The following SLC9A9 variants were observed in gnomAD, a reference collection of about 807,000 sequenced individuals.
SLC9A9 encodes the protein solute carrier family 9 member A9.
SLC9A9 carries 62 observed loss-of-function variants against 77.8 expected under a neutral mutation model. The ratio of observed to expected loss-of-function variants is 0.80; its 90% CI spans 0.65 to 0.98. The LOEUF is 0.98. Among genes scored for constraint, SLC9A9 ranks in the 50% least tolerant of loss-of-function variants. SLC9A9 has a pLI of 0.00. For missense variants in SLC9A9, 775 were observed against 774.9 expected (o/e 1.00, Z 0.00); for synonymous variants, 320 against 283.5 (o/e 1.13, Z -1.29).
chr3:143,618,759 A>T (rs2038149995), intron 6 of SLC9A9, among the ~76,000 whole-genome samples: 1 of 152,232 alleles, frequency 6.6e-6, no homozygotes, highest in Non-Finnish European at 1.5e-5. Flanking sequence ...ATCACCTTAC[A>T]AAACTGAAAT....
chr3:143,734,409 C>A (rs1418626947), intron 4 of SLC9A9, among the ~76,000 whole-genome samples: 1 of 151,922 alleles, frequency 6.6e-6, no homozygotes, highest in Non-Finnish European at 1.5e-5. Context: ...ACATAAAAAC[C>A]CTTTTAAAAA....
At chr3:143,270,815 C>A (rs573479542) in intron 14 of SLC9A9, among the ~76,000 whole-genome samples, 274 of 152,236 alleles carry the variant, frequency 1.8e-3, no homozygotes, top group African/African-American at 6.1e-3. Flanking sequence ...GTAATGAACA[C>A]CCTTAAAAAA....
intron 6 of SLC9A9, among the ~76,000 whole-genome samples, chr3:143,633,488 C>A (rs1377719900): frequency 1.3e-5 from 2 of 151,952 alleles, no homozygotes. Flanking sequence ...TTTTAAAGCT[C>A]CAAAGTGTGC....
At chr3:143,841,322 G>A (rs1001874351) in intron 1 of SLC9A9, among the ~76,000 whole-genome samples, 1 of 152,096 alleles carries the variant, frequency 6.6e-6, no homozygotes, top group African/African-American at 2.4e-5. Flanking sequence ...CTTCAGGCAA[G>A]TTACTTAATG....
intron 4 of SLC9A9, among the ~76,000 whole-genome samples, chr3:143,724,321 A>G (rs1177144358): frequency 6.6e-6 from 1 of 152,078 alleles, no homozygotes; most frequent in Non-Finnish European, 1.5e-5. Context: ...TTCCACCATG[A>G]TTGTTAGTTT....
At chr3:143,545,215 C>T (rs1230399616) in intron 9 of SLC9A9, among the ~76,000 whole-genome samples, 2 of 152,144 alleles carry the variant, frequency 1.3e-5, no homozygotes, top group Non-Finnish European at 2.9e-5. Context: ...ATCTGCGTGA[C>T]AATATCCTAA....
chr3:143,625,280 G>A (rs1028527991), intron 6 of SLC9A9, among the ~76,000 whole-genome samples: 3 of 152,092 alleles, frequency 2.0e-5, no homozygotes, highest in Non-Finnish European at 4.4e-5. Flanking sequence ...AGTTCATATG[G>A]AGCCAAAAAA....
rs560910265 is a variant in SLC9A9, at chr3:143,517,635, C to T, written c.1090-22187G>A. ...AGGGCAAGATCATGGGCTGCTTCTT[C>T]CTACTGGCCTAGAAGTCTGTGTGCT... On this transcript the variant is annotated intron_variant, in intron 9 of 15. Coordinates refer to ENST00000316549, the MANE Select transcript of SLC9A9 (RefSeq NM_173653.4). The T allele has an allele frequency of 1.4e-5, 23 of 1,597,382 alleles. No individual in the cohort carries two copies. In the East Asian group the frequency reaches 4.5e-4, roughly 31 times the overall value.
intron 14 of SLC9A9, among the ~76,000 whole-genome samples, chr3:143,327,407 T>A (rs1267167822): frequency 6.6e-6 from 1 of 152,144 alleles, no homozygotes; most frequent in Non-Finnish European, 1.5e-5. Context: ...CAAAAAGGAA[T>A]CCCTTAGCAC....
intron 11 of SLC9A9, among the ~76,000 whole-genome samples, chr3:143,486,015 T>A (rs1041845683): frequency 6.6e-6 from 1 of 152,038 alleles, no homozygotes; most frequent in African/African-American, 2.4e-5. Flanking sequence ...TTAAAGAATG[T>A]TGAAAGTACC....
At chr3:143,813,924 C>T (rs1393154012) in intron 2 of SLC9A9, among the ~76,000 whole-genome samples, 1 of 152,072 alleles carries the variant, frequency 6.6e-6, no homozygotes, top group Non-Finnish European at 1.5e-5. Context: ...GAAACCATTG[C>T]CAGGCTGCAG....
At chr3:143,722,472 C>CA (rs60995925) in intron 4 of SLC9A9, among the ~76,000 whole-genome samples, 4,595 of 58,274 alleles carry the variant, frequency 0.079, 511 homozygotes, top group Middle Eastern at 0.17. Context: ...GACTCCATCT[C>CA]AAAAAAAAAA....
At chr3:143,744,657 T>C (rs1244846346) in intron 4 of SLC9A9, among the ~76,000 whole-genome samples, 3 of 152,198 alleles carry the variant, frequency 2.0e-5, no homozygotes, top group African/African-American at 7.2e-5. Flanking sequence ...GCTCTAATGG[T>C]TTTAACAGGC....
intron 12 of SLC9A9, among the ~76,000 whole-genome samples, chr3:143,447,124 A>T (rs1049149845): frequency 1.3e-5 from 2 of 152,192 alleles, no homozygotes; most frequent in African/African-American, 4.8e-5. Context: ...AGCCGAAGTT[A>T]TAAAGTTGTT....
intron 4 of SLC9A9, among the ~76,000 whole-genome samples, chr3:143,739,001 C>T (rs1237204491): frequency 6.6e-6 from 1 of 152,086 alleles, no homozygotes; most frequent in Non-Finnish European, 1.5e-5. Flanking sequence ...AAGTCATAGG[C>T]TTGATTGGGT....
intron 8 of SLC9A9, among the ~76,000 whole-genome samples, chr3:143,555,120 T>G (rs758806805): frequency 1.3e-5 from 2 of 152,186 alleles, no homozygotes; most frequent in Non-Finnish European, 2.9e-5. Flanking sequence ...AATTGAATCA[T>G]GGGGGAAGCT....
intron 14 of SLC9A9, among the ~76,000 whole-genome samples, chr3:143,330,128 T>C (rs1373546441): frequency 3.9e-5 from 6 of 152,178 alleles, no homozygotes; most frequent in African/African-American, 9.7e-5. Flanking sequence ...TGTGACCCGA[T>C]CACTGCCGGC....
intron 8 of SLC9A9, among the ~76,000 whole-genome samples, chr3:143,564,848 T>A (rs2037143564): frequency 6.6e-6 from 1 of 152,186 alleles, no homozygotes; most frequent in African/African-American, 2.4e-5. Flanking sequence ...TTTAGAAATT[T>A]TTGTTTAAAA....
chr3:143,664,805 C>A (rs2039036328), intron 5 of SLC9A9, among the ~76,000 whole-genome samples: 1 of 152,200 alleles, frequency 6.6e-6, no homozygotes, highest in African/African-American at 2.4e-5. Context: ...CATATATGCA[C>A]CCAATACAGG....
Sources: gnomAD v4.1 joint callset for allele counts (sites outside exome capture counted in the v4.1 genomes callset) on GRCh38, gnomAD v4.1.1 for gene constraint, MANE v1.5 for transcripts, NCBI Gene and HGNC (gene_info 2026-07-23, HGNC 2026-07-21) for gene names.